Variants in SDK1 observed in about 807,000 individuals in gnomAD.
SDK1 encodes sidekick cell adhesion molecule 1.
Under a neutral mutation model 245.5 loss-of-function variants are expected in SDK1, and 157 were observed. The ratio of observed to expected loss-of-function variants is 0.64; its 90% confidence interval spans 0.56 to 0.73. The LOEUF is 0.73. Among genes scored for constraint, SDK1 ranks in the 30% least tolerant of loss-of-function variants. The pLI, the probability that SDK1 is intolerant of heterozygous loss-of-function variation, is 0.00. For missense variants in SDK1, 3,583 were observed against 3,002.3 expected (o/e 1.19, Z -4.52); for synonymous variants, 1,647 against 1,278.5 (o/e 1.29, Z -6.15).
chr7:3,553,146 C>T (rs1234917820), intron 1 of SDK1, among the ~76,000 whole-genome samples: 1 of 151,814 alleles, frequency 6.6e-6, no homozygotes, highest in African/African-American at 2.4e-5. Flanking sequence ...TAATTATTGC[C>T]TTATATTGTA....
At chr7:3,850,230 T>C (rs1189562952) in intron 5 of SDK1, among the ~76,000 whole-genome samples, 1 of 152,206 alleles carries the variant, frequency 6.6e-6, no homozygotes, top group African/African-American at 2.4e-5. Context: ...GAAGCCTTCT[T>C]CTCTGCATCC....
chr7:3,803,667 A>G (rs1562454840), intron 4 of SDK1, among the ~76,000 whole-genome samples: 1 of 148,958 alleles, frequency 6.7e-6, no homozygotes, highest in Non-Finnish European at 1.5e-5. Context: ...AGAGTTCTTT[A>G]TATATTCTAG....
chr7:4,195,807 C>T (rs563439507), intron 35 of SDK1, among the ~76,000 whole-genome samples: 10 of 152,186 alleles, frequency 6.6e-5, no homozygotes, highest in African/African-American at 2.2e-4. Flanking sequence ...GGGATGAAGC[C>T]GTCGCTGCTC....
intron 23 of SDK1, among the ~76,000 whole-genome samples, chr7:4,112,236 G>C (rs886634861): frequency 6.6e-6 from 1 of 152,174 alleles, no homozygotes; most frequent in African/African-American, 2.4e-5. Context: ...TCCAAGCAGG[G>C]AGGGGGCTTG....
chr7:3,487,885 G>T (rs1028538299), intron 1 of SDK1, among the ~76,000 whole-genome samples: 6 of 152,080 alleles, frequency 3.9e-5, no homozygotes, highest in Admixed American at 1.3e-4. Flanking sequence ...TTCCTTTGGG[G>T]GTTGATAATG....
chr7:3,622,012 C>G (rs1258644904), intron 2 of SDK1, among the ~76,000 whole-genome samples: 1 of 151,958 alleles, frequency 6.6e-6, no homozygotes, highest in East Asian at 1.9e-4. Context: ...ATGATTTTGC[C>G]CATTTGTAGG....
At chr7:4,224,356 C>T (rs578174043) in intron 40 of SDK1, among the ~76,000 whole-genome samples, 9 of 152,300 alleles carry the variant, frequency 5.9e-5, no homozygotes, top group South Asian at 2.1e-4. Flanking sequence ...AACAGGGAGC[C>T]GGCACGCCAC....
chr7:3,560,268 A>C (rs945037787), intron 1 of SDK1, among the ~76,000 whole-genome samples: 2 of 152,090 alleles, frequency 1.3e-5, no homozygotes, highest in African/African-American at 4.8e-5. Flanking sequence ...ATGTCCAATT[A>C]ATTACATTTT....
Position 3,748,993 on chromosome 7 carries a change from A to ACCAG in SDK1, c.714-72454_714-72453insGCCA, listed in dbSNP as rs1779701025. ...ACTAGGAAAAAAAATCAACCAACCA[A>ACCAG]CCAACCCAACTCACACTTAGATGGA... is the stretch of plus-strand genomic sequence containing the variant. On this transcript the variant is annotated intron_variant, in intron 4 of 44. Transcript: ENST00000404826. Among the ~76,000 whole-genome samples the ACCAG allele has an allele frequency of 2.6e-5, 4 of 152,258 alleles. 1 individual carries two copies. The highest frequency in any genetic ancestry group is 9.6e-5 in the African/African-American group (4 of 41,524).
chr7:3,698,315 G>C (rs1784634504), intron 4 of SDK1, among the ~76,000 whole-genome samples: 1 of 152,196 alleles, frequency 6.6e-6, no homozygotes. Context: ...GTGGGGCCAA[G>C]GCTTGTGTCT....
chr7:4,167,271 T>C (rs1781555635), intron 32 of SDK1, among the ~76,000 whole-genome samples: 1 of 151,920 alleles, frequency 6.6e-6, no homozygotes, highest in Admixed American at 6.6e-5. Context: ...GCACCTATAG[T>C]CCCAGCTACT....
chr7:4,265,819 C>T lies in SDK1; in HGVS notation c.*435C>T, dbSNP rs1353920474. On this transcript the variant is annotated 3_prime_UTR_variant, in exon 45 of 45. Transcript: ENST00000404826. ...CTTTCTACCTCCTCTTCCAGAGAAC[C>T]AGCGGCTCACACCCTTCTCAACGCA... The T allele has an allele frequency of 6.0e-6, 6 of 1,000,010 alleles. No homozygotes were observed. Among genetic ancestry groups the T allele is most frequent in the Non-Finnish European group, 7.1e-6 (6 of 841,054 alleles). 61.9% of individuals were successfully genotyped at this position (1,000,010 alleles called of 1,614,324 possible). A position where few individuals can be genotyped will look rare whatever the true frequency, so the allele number is the denominator to read the frequency against.
chr7:4,142,549 G>C (rs1178120223), intron 28 of SDK1, among the ~76,000 whole-genome samples: 1 of 151,996 alleles, frequency 6.6e-6, no homozygotes. Flanking sequence ...GGCTGGCCTC[G>C]AACTCCTGAC....
chr7:4,166,006 C>T (rs553189885), intron 32 of SDK1, among the ~76,000 whole-genome samples: 18 of 152,212 alleles, frequency 1.2e-4, no homozygotes, highest in African/African-American at 4.3e-4. Flanking sequence ...CCAGGCTGGT[C>T]TTAAACTCCT....
chr7:4,126,072 A>G (rs1398730591), intron 25 of SDK1, among the ~76,000 whole-genome samples: 4 of 152,168 alleles, frequency 2.6e-5, no homozygotes, highest in Non-Finnish European at 1.5e-5. Flanking sequence ...CCCGAATGGG[A>G]TATGGTGGAC....
intron 12 of SDK1, among the ~76,000 whole-genome samples, chr7:3,972,797 G>A (rs1029932128): frequency 3.9e-5 from 6 of 152,256 alleles, no homozygotes; most frequent in Middle Eastern, 3.4e-3. Flanking sequence ...TTTCCATGTC[G>A]CCACCCGACT....
intron 5 of SDK1, among the ~76,000 whole-genome samples, chr7:3,913,865 G>A (rs928824657): frequency 6.6e-6 from 1 of 152,204 alleles, no homozygotes; most frequent in African/African-American, 2.4e-5. Context: ...TAACCTTTAA[G>A]CCAGAGTAAA....
chr7:3,421,813 C>G (rs1373392666), intron 1 of SDK1, among the ~76,000 whole-genome samples: 1 of 152,116 alleles, frequency 6.6e-6, no homozygotes, highest in African/African-American at 2.4e-5. Context: ...TGCTCTTAAC[C>G]TTAAATAACA....
chr7:3,433,997 T>C (rs186554209), intron 1 of SDK1, among the ~76,000 whole-genome samples: 35 of 152,310 alleles, frequency 2.3e-4, no homozygotes, highest in Admixed American at 1.6e-3. Flanking sequence ...GTGTTAAGAA[T>C]TTTCATCCCA....
Sources: gnomAD v4.1 joint callset for allele counts (sites outside exome capture counted in the v4.1 genomes callset) on GRCh38, gnomAD v4.1.1 for gene constraint, MANE v1.5 for transcripts, NCBI Gene and HGNC (gene_info 2026-07-23, HGNC 2026-07-21) for gene names.